ABCC4: variants seen among roughly 807,000 people sequenced by gnomAD.
ABCC4 encodes ATP-binding cassette sub-family C member 4.
ABCC4 carries 102 observed loss-of-function variants against 168.5 expected under a neutral mutation model. The observed-to-expected ratio is 0.61, with a 90% CI of 0.52 to 0.71. ABCC4 has a LOEUF of 0.71. Among genes scored for constraint, ABCC4 ranks in the 30% least tolerant of loss-of-function variants. The probability of loss-of-function intolerance (pLI) is 0.00; values close to 1 mark genes in which losing one functional copy is unlikely to be tolerated. For missense variants in ABCC4, 1,402 were observed against 1,605.8 expected (o/e 0.87, Z 2.17); for synonymous variants, 617 against 590.7 (o/e 1.04, Z -0.65).
At chr13:95,292,381 T>C (rs1220339102) in intron 1 of ABCC4, among the ~76,000 whole-genome samples, 2 of 152,038 alleles carry the variant, frequency 1.3e-5, no homozygotes, top group Non-Finnish European at 2.9e-5. Context: ...AAAGATTTAA[T>C]GTGGCCATGA....
chr13:95,257,863 G>A (rs139290305), intron 1 of ABCC4, among the ~76,000 whole-genome samples: 10 of 152,212 alleles, frequency 6.6e-5, no homozygotes, highest in African/African-American at 2.4e-4. Context: ...CAGTTATCTT[G>A]ATGCTTTCCC....
At chr13:95,283,169 T>C (rs1319140251) in intron 1 of ABCC4, among the ~76,000 whole-genome samples, 1 of 145,618 alleles carries the variant, frequency 6.9e-6, no homozygotes, top group South Asian at 2.1e-4. Context: ...TGAGCTGAGA[T>C]AGCGCCACTG....
At chr13:95,300,652 G>C (rs938662046) in intron 1 of ABCC4, among the ~76,000 whole-genome samples, 1 of 152,162 alleles carries the variant, frequency 6.6e-6, no homozygotes. Context: ...ACGGGACGTG[G>C]AGTTGGATCG....
intron 30 of ABCC4, among the ~76,000 whole-genome samples, chr13:95,026,324 T>C (rs1055086942): frequency 6.6e-6 from 1 of 151,638 alleles, no homozygotes; most frequent in African/African-American, 2.4e-5. Context: ...AAAAACAGTG[T>C]GAGACACAGG....
intron 1 of ABCC4, among the ~76,000 whole-genome samples, chr13:95,296,635 C>T (rs540702527): frequency 9.2e-5 from 14 of 152,224 alleles, no homozygotes; most frequent in Middle Eastern, 3.4e-3. Flanking sequence ...CTCTCAATGC[C>T]CATATTTAGG....
chr13:95,227,244 T>C (rs1344235560), intron 4 of ABCC4, among the ~76,000 whole-genome samples: 1 of 152,212 alleles, frequency 6.6e-6, no homozygotes, highest in Non-Finnish European at 1.5e-5. Context: ...ACTTGCTTTC[T>C]TAGCTCAAAC....
chr13:95,288,737 T>C lies in ABCC4; in HGVS notation c.74+12504A>G, dbSNP rs568694422. Reference sequence around the variant, plus strand: ...AGGAGAACTGCTTGAACCCAGAAGGTGGAGGTTGCTCAAGAGCAAGACTCT... The same window carrying C: ...AGGAGAACTGCTTGAACCCAGAAGGCGGAGGTTGCTCAAGAGCAAGACTCT... On this transcript the variant is annotated intron_variant, in intron 1 of 30. Coordinates refer to ENST00000645237, the MANE Select transcript of ABCC4 (RefSeq NM_005845.5). 2.0e-5 allele frequency among the ~76,000 whole-genome samples: 3 copies of C among 151,868 alleles called. No individual in the cohort carries two copies. The South Asian group carries it at 6.3e-4, about 32-fold the overall frequency.
At chr13:95,290,442 C>T (rs58280359) in intron 1 of ABCC4, among the ~76,000 whole-genome samples, 1,804 of 152,208 alleles carry the variant, frequency 0.012, 42 homozygotes, top group African/African-American at 0.04. Flanking sequence ...TGGTGTCTCA[C>T]GCCTGTAATC....
At chr13:95,062,156 T>A (rs1209695416) in intron 26 of ABCC4, among the ~76,000 whole-genome samples, 1 of 152,164 alleles carries the variant, frequency 6.6e-6, no homozygotes, top group Non-Finnish European at 1.5e-5. Context: ...CCGTCTCTCA[T>A]GTTCTTCCTT....
At chr13:95,023,837 T>A (rs541927562) in intron 30 of ABCC4, among the ~76,000 whole-genome samples, 1 of 152,278 alleles carries the variant, frequency 6.6e-6, no homozygotes, top group East Asian at 1.9e-4. Flanking sequence ...ATGAATATGG[T>A]AACCTGGGAG....
At chr13:95,282,070 C>G (rs1229236193) in intron 1 of ABCC4, among the ~76,000 whole-genome samples, 1 of 151,492 alleles carries the variant, frequency 6.6e-6, no homozygotes, top group African/African-American at 2.4e-5. Flanking sequence ...GATCACACCA[C>G]TGTACTCCAG....
chr13:95,299,985 G>A (rs1245668967), intron 1 of ABCC4, among the ~76,000 whole-genome samples: 3 of 152,136 alleles, frequency 2.0e-5, no homozygotes, highest in Non-Finnish European at 2.9e-5. Flanking sequence ...GGGATTACAG[G>A]CGTGCTCCAC....
At chr13:95,151,605 A>AAGG (rs781013759) in intron 19 of ABCC4, among the ~76,000 whole-genome samples, 16 of 79,464 alleles carry the variant, frequency 2.0e-4, no homozygotes, top group African/African-American at 9.4e-4. Flanking sequence ...GGAGGAGGAG[A>AAGG]AGGAGAAGGA....
intron 20 of ABCC4, among the ~76,000 whole-genome samples, chr13:95,113,918 T>C (rs918318702): frequency 2.0e-5 from 3 of 152,202 alleles, no homozygotes; most frequent in African/African-American, 7.2e-5. Flanking sequence ...ATTTAGCTAA[T>C]ACTATTTTTA....
At chr13:95,050,806 A>G (rs548280123) in intron 27 of ABCC4, among the ~76,000 whole-genome samples, 1 of 152,354 alleles carries the variant, frequency 6.6e-6, no homozygotes, top group East Asian at 1.9e-4. Context: ...GTCAAGTTCC[A>G]TGATGGTTTT....
chr13:95,023,372 C>T (rs1224613742), intron 30 of ABCC4, among the ~76,000 whole-genome samples: 1 of 152,160 alleles, frequency 6.6e-6, no homozygotes, highest in Non-Finnish European at 1.5e-5. Context: ...GGTTTTATAA[C>T]ACACTATGGG....
chr13:95,295,755 G>A (rs1311726547), intron 1 of ABCC4, among the ~76,000 whole-genome samples: 2 of 151,942 alleles, frequency 1.3e-5, no homozygotes, highest in Admixed American at 1.3e-4. Flanking sequence ...ACAAGGTCAG[G>A]AGTTCAAGAC....
chr13:95,037,679 T>C (rs2139229259), intron 29 of ABCC4, among the ~76,000 whole-genome samples: 1 of 152,340 alleles, frequency 6.6e-6, no homozygotes, highest in African/African-American at 2.4e-5. Context: ...CAATGAGAAC[T>C]GTAAACAGCT....
At position 95,234,784 on chromosome 13, in the gene ABCC4, ATAAT is replaced by A. The variant is rs759080265; in HGVS notation, c.353_356del (p.Asn118IlefsTer13). ...AATCCATGGGATCATAATTTTCAAA[ATAAT>A]TAATAATTTTTCCCAAAAATATGGG... On this transcript the variant is annotated frameshift_variant, in exon 4 of 31. Transcript: ENST00000645237. LOFTEE classifies it high-confidence loss of function. The A allele has an allele frequency of 4.4e-6, 7 of 1,599,664 alleles. No individual in the cohort carries two copies. The highest frequency in any genetic ancestry group is 6.0e-6 in the Non-Finnish European group (7 of 1,172,286).
Sources: allele counts gnomAD v4.1 joint callset (sites outside exome capture counted in the v4.1 genomes callset), GRCh38; gene constraint gnomAD v4.1.1; transcripts MANE v1.5; gene names NCBI Gene and HGNC (gene_info 2026-07-23, HGNC 2026-07-21).